NDRG1: variants seen among roughly 807,000 people sequenced by gnomAD.
NDRG1 encodes N-myc downstream regulated 1.
In NDRG1, 32 loss-of-function variants were observed where a neutral mutation model predicts 56.9. The ratio of observed to expected loss-of-function variants is 0.56; its 90% confidence interval spans 0.42 to 0.76. The LOEUF (loss-of-function observed/expected upper bound fraction) is 0.76, where lower values mean the gene tolerates loss of function less well. Ranked by LOEUF, NDRG1 falls within the 30% of genes least tolerant of loss-of-function variation. The pLI, the probability that NDRG1 is intolerant of heterozygous loss-of-function variation, is 0.00. For synonymous variants in NDRG1, 211 were observed against 204.1 expected (o/e 1.03, Z -0.29); for missense variants, 507 against 545.7 (o/e 0.93, Z 0.71).
At chr8:133,257,557 A>G (rs187735003) in intron 7 of NDRG1, among the ~76,000 whole-genome samples, 1 of 152,330 alleles carries the variant, frequency 6.6e-6, no homozygotes, top group Admixed American at 6.5e-5. Context: ...AATGCTAAGT[A>G]TTGATGTATC....
At chr8:133,269,322 C>T (rs1857073941) in intron 3 of NDRG1, among the ~76,000 whole-genome samples, 1 of 152,230 alleles carries the variant, frequency 6.6e-6, no homozygotes, top group Non-Finnish European at 1.5e-5. Context: ...ACCCTGCTCA[C>T]AGGGCCTGAT....
intron 2 of NDRG1, 96 bp downstream of exon 2, chr8:133,284,153 G>T: frequency 8.8e-7 from 1 of 1,134,490 alleles, no homozygotes; most frequent in Non-Finnish European, 1.3e-6. Context: ...TGCAGTGTTT[G>T]CATGCCCATA....
At position 133,262,271 on chromosome 8, in the gene NDRG1, A is replaced by AG. The variant is rs2130736719; in HGVS notation, c.206-105dup. ...TCATTTTGTTTCATTCCTATTCAGA[A>AG]GTAGGAAGTGAACTTAGAAGAACAC... On this transcript the variant is annotated intron_variant, in intron 4 of 15. Transcript: ENST00000323851. 3.5e-6 allele frequency: 5 copies of AG among 1,435,174 alleles called. No homozygotes were observed. In the East Asian group the frequency reaches 1.1e-4, roughly 33 times the overall value. 88.9% of individuals were successfully genotyped at this position (1,435,174 alleles called of 1,614,324 possible).
chr8:133,260,061 A>C (rs1321546750), intron 5 of NDRG1, among the ~76,000 whole-genome samples: 2 of 152,184 alleles, frequency 1.3e-5, no homozygotes. Context: ...TGCGGCAAAG[A>C]CATGAAGCTC....
intron 1 of NDRG1, among the ~76,000 whole-genome samples, chr8:133,290,674 C>T (rs1858380256): frequency 6.6e-6 from 1 of 152,222 alleles, no homozygotes; most frequent in South Asian, 2.1e-4. Context: ...GGGACAGTCA[C>T]ATGCCTCTCC....
intron 3 of NDRG1, among the ~76,000 whole-genome samples, chr8:133,269,531 C>T (rs6992807): frequency 0.18 from 27,592 of 152,142 alleles, 3,743 homozygotes; most frequent in African/African-American, 0.38. Context: ...ACGGAACAAC[C>T]ATTGCAGAGA....
At chr8:133,239,411 G>A in intron 15 of NDRG1, 2 of 579,708 alleles carry the variant, frequency 3.5e-6, no homozygotes, top group South Asian at 2.0e-5. Flanking sequence ...TTTTGAGAGT[G>A]TCCCCCTGAG....
intron 2 of NDRG1, 81 bp downstream of exon 2, chr8:133,284,168 C>G: frequency 7.5e-7 from 1 of 1,332,682 alleles, no homozygotes; most frequent in Non-Finnish European, 1.1e-6. Flanking sequence ...CCCATAAGTA[C>G]AAGTGTGAGC....
chr8:133,291,830 C>T (rs1010990672), intron 1 of NDRG1, among the ~76,000 whole-genome samples: 4 of 152,162 alleles, frequency 2.6e-5, no homozygotes, highest in African/African-American at 4.8e-5. Flanking sequence ...CTCAAACAAG[C>T]CAAAGCCGCA....
chr8:133,251,315 T>C (rs905367955), intron 9 of NDRG1, among the ~76,000 whole-genome samples: 7 of 151,788 alleles, frequency 4.6e-5, no homozygotes, highest in Non-Finnish European at 1.5e-5. Flanking sequence ...GAAGTTGGAG[T>C]TGGGGGTCAA....
At chr8:133,266,394 G>A (rs1856921658) in intron 3 of NDRG1, among the ~76,000 whole-genome samples, 1 of 152,230 alleles carries the variant, frequency 6.6e-6, no homozygotes, top group South Asian at 2.1e-4. Flanking sequence ...TCACTGCCGT[G>A]TGGCAGCAGA....
intron 13 of NDRG1, 45 bp from the exon 14 acceptor site, chr8:133,244,435 G>A: frequency 6.2e-7 from 1 of 1,612,344 alleles, no homozygotes; most frequent in Non-Finnish European, 8.5e-7. Flanking sequence ...CACAGCCAAG[G>A]CCCTCTGCGC....
intron 1 of NDRG1, among the ~76,000 whole-genome samples, chr8:133,285,484 G>A (rs975604539): frequency 6.6e-6 from 1 of 152,192 alleles, no homozygotes. Context: ...AGGCCCCTCG[G>A]ATGCAATGGT....
chr8:133,269,250 C>T (rs899617005), intron 3 of NDRG1, among the ~76,000 whole-genome samples: 2 of 152,196 alleles, frequency 1.3e-5, no homozygotes, highest in African/African-American at 4.8e-5. Context: ...ACAAACACAA[C>T]TCCTCCACCA....
At chr8:133,242,631 T>C (rs1855447727) in intron 14 of NDRG1, among the ~76,000 whole-genome samples, 1 of 151,940 alleles carries the variant, frequency 6.6e-6, no homozygotes, top group Admixed American at 6.6e-5. Context: ...GGCAAATCAC[T>C]GTCAGCCTCA....
At chr8:133,269,604 G>A (rs1857091549) in intron 3 of NDRG1, among the ~76,000 whole-genome samples, 1 of 152,202 alleles carries the variant, frequency 6.6e-6, no homozygotes, top group Non-Finnish European at 1.5e-5. Flanking sequence ...TGGAATAATG[G>A]GGCAGGATCT....
chr8:133,257,363 C>G (rs1313756278), intron 7 of NDRG1, among the ~76,000 whole-genome samples: 1 of 151,992 alleles, frequency 6.6e-6, no homozygotes, highest in East Asian at 1.9e-4. Context: ...GGGATACTTT[C>G]TGAGAAAATT....
chr8:133,241,088 C>A (rs917295575), intron 15 of NDRG1: 1 of 152,226 alleles, frequency 6.6e-6, no homozygotes. Flanking sequence ...GCTTACCAAG[C>A]ATACTCTTAC....
intron 8 of NDRG1, among the ~76,000 whole-genome samples, chr8:133,256,466 G>A (rs923330464): frequency 1.3e-5 from 2 of 152,142 alleles, no homozygotes; most frequent in Non-Finnish European, 2.9e-5. Flanking sequence ...CCAAAGCCTG[G>A]CACAAGTTAT....
Sources: allele counts gnomAD v4.1 joint callset (sites outside exome capture counted in the v4.1 genomes callset), GRCh38; gene constraint gnomAD v4.1.1; transcripts MANE v1.5; gene names NCBI Gene and HGNC (gene_info 2026-07-23, HGNC 2026-07-21).